Variants in NADK2 observed in about 807,000 individuals in gnomAD.
NADK2 encodes the protein NAD kinase 2, mitochondrial.
Under a neutral mutation model 62.1 loss-of-function variants are expected in NADK2, and 35 were observed. That is an observed-to-expected ratio of 0.56 (90% CI 0.43 to 0.75). The LOEUF (loss-of-function observed/expected upper bound fraction) is 0.75. Ranked by LOEUF, NADK2 falls within the 30% of genes least tolerant of loss-of-function variation. The pLI, the probability that NADK2 is intolerant of heterozygous loss-of-function variation, is 0.00. For synonymous variants in NADK2, 205 were observed against 207.9 expected (o/e 0.99, Z 0.12); for missense variants, 439 against 561.3 (o/e 0.78, Z 2.20).
chr5:36,209,147 A>T (rs1052426807), intron 7 of NADK2, among the ~76,000 whole-genome samples: 7 of 152,170 alleles, frequency 4.6e-5, no homozygotes, highest in African/African-American at 1.7e-4. Context: ...CAACAGCATC[A>T]GAAGCCAATC....
intron 7 of NADK2, chr5:36,208,755 GAACATTATAAATGAGGCAGGAATAA>G: frequency 3.9e-6 from 4 of 1,013,584 alleles, no homozygotes; most frequent in Non-Finnish European, 5.8e-6. Flanking sequence ...TTAAATCTAA[GAACATTATAAATGAGGCAGGAATAA>G]TATTGCTGCA....
chr5:36,200,868 T>C (rs958340721), intron 9 of NADK2, among the ~76,000 whole-genome samples: 6 of 152,014 alleles, frequency 3.9e-5, no homozygotes, highest in African/African-American at 1.4e-4. Context: ...AGCCATAAAA[T>C]GCTTCCTTTA....
At chr5:36,217,661 A>AGTTAATC (rs2112131355) in intron 6 of NADK2, 87 bp downstream of exon 6, 1 of 291,536 alleles carries the variant, frequency 3.4e-6, no homozygotes, top group East Asian at 4.2e-5. Flanking sequence ...ACTAAAAACA[A>AGTTAATC]GTAAATTATT....
At position 36,241,703 on chromosome 5, in the gene NADK2, G is replaced by A; in HGVS notation, c.96C>T (p.Ala32=). The stretch of plus-strand genomic sequence containing the variant: ...CGTCACCGCCCAGCCGGGGCCGCGC[G>A]GCGGGGCCTCCCGCACCCGGTCCCC... The part of the protein sequence containing the change: ...ALRGPGAGGP[A]ARPRLGGDGG... Residue 32 remains alanine, a synonymous_variant, in exon 1 of 12, where the codon GCC becomes GCT. Transcript: ENST00000381937. The surrounding 1 kb of genome is among the most constrained non-coding windows in gnomAD (Gnocchi z 4.9). 1.8e-6 allele frequency: 2 copies of A among 1,133,312 alleles called. No individual in the cohort carries two copies. Among genetic ancestry groups the A allele is most frequent in the Non-Finnish European group, 2.2e-6 (2 of 928,590 alleles). The allele number at this position is 1,133,312 out of a possible 1,614,324, so 70.2% of individuals were successfully genotyped here.
chr5:36,240,528 A>C (rs767879412), intron 1 of NADK2, among the ~76,000 whole-genome samples: 27 of 152,324 alleles, frequency 1.8e-4, no homozygotes, highest in Non-Finnish European at 3.5e-4. Flanking sequence ...GCCAACAATT[A>C]AGAGATTTCC....
intron 7 of NADK2, among the ~76,000 whole-genome samples, chr5:36,209,764 TTATG>T (rs1278171069): frequency 6.6e-6 from 1 of 152,156 alleles, no homozygotes; most frequent in Non-Finnish European, 1.5e-5. Context: ...CTTTTTTAAA[TTATG>T]TATTACTCTC....
chr5:36,225,533 C>A lies in NADK2; in HGVS notation c.560+9G>T, dbSNP rs202012633. On this transcript the variant is annotated intron_variant, in intron 4 of 11. Transcript: ENST00000381937. ...ACAAATCAAACAAAATGTATACGTT[C>A]TTTCTTACCGTTCTGGATCAGTGTT... The A allele has an allele frequency of 2.5e-4, 409 of 1,607,500 alleles. 4 individuals are homozygous for A. The highest frequency in any genetic ancestry group is 2.1e-3 in the South Asian group (192 of 89,324).
In NADK2 at chr5:36,241,325, A is replaced by G. The variant is rs377078041; in HGVS notation, c.300+174T>C. ...TGCCTCTCCCTCGCACACACGCCCA[A>G]AGGCAAAGGAGGCCCAGGGAGAAGC... On this transcript the variant is annotated intron_variant, in intron 1 of 11. Transcript: ENST00000381937. The surrounding 1 kb of genome is among the most constrained non-coding windows in gnomAD (Gnocchi z 4.9). 1.2e-4 allele frequency: 151 copies of G among 1,256,876 alleles called. 2 individuals are homozygous for G. In the East Asian group the frequency reaches 3.4e-3, roughly 29 times the overall value. The allele number at this position is 1,256,876 out of a possible 1,614,324, so 77.9% of individuals were successfully genotyped here. A position where few individuals can be genotyped will look rare whatever the true frequency, so the allele number is the denominator to read the frequency against.
At chr5:36,214,958 T>C (rs990621804) in intron 6 of NADK2, among the ~76,000 whole-genome samples, 2 of 152,194 alleles carry the variant, frequency 1.3e-5, no homozygotes, top group Non-Finnish European at 1.5e-5. Context: ...AGCATTTACA[T>C]TGTGTTAGGT....
intron 6 of NADK2, among the ~76,000 whole-genome samples, chr5:36,213,618 C>CGCATATATATATATATATAT (rs10529035): frequency 2.8e-5 from 3 of 107,536 alleles, no homozygotes; most frequent in Non-Finnish European, 6.1e-5. Flanking sequence ...TATATGCATG[C>CGCATATATATATATATATAT]ATATATATAT....
In NADK2 at chr5:36,241,690, G is replaced by A; in HGVS notation, c.109C>T (p.Leu37=). The change falls in exon 1 of 12, where the codon CTG becomes TTG. Residue 37 remains leucine (L), a synonymous_variant. Transcript: ENST00000381937. This position sits in a 1 kb window ranked among gnomAD's most constrained non-coding sequence, Gnocchi z 4.9. ...GAGGPAARPR[L]GGDGGGRRHL... is the part of the protein sequence containing the mutation. ...CGCCGGCCGCCACCGTCACCGCCCAGCCGGGGCCGCGCGGCGGGGCCTCCC... is the reference window on the plus strand; with the variant it reads ...CGCCGGCCGCCACCGTCACCGCCCAACCGGGGCCGCGCGGCGGGGCCTCCC... 8.8e-7 allele frequency: 1 copy of A among 1,142,816 alleles called. No individual in the cohort carries two copies. The highest frequency in any genetic ancestry group is 1.1e-6 in the Non-Finnish European group (1 of 934,912). 70.8% of individuals were successfully genotyped at this position (1,142,816 alleles called of 1,614,324 possible).
At chr5:36,200,478 C>A (rs966480481) in intron 9 of NADK2, among the ~76,000 whole-genome samples, 198 bp from the exon 10 acceptor site, 2 of 151,764 alleles carry the variant, frequency 1.3e-5, no homozygotes, top group African/African-American at 2.4e-5. Flanking sequence ...AGTAGCCCCC[C>A]CTCGCCCTTA....
At chr5:36,217,139 TC>T (rs1401408567) in intron 6 of NADK2, among the ~76,000 whole-genome samples, 2 of 152,154 alleles carry the variant, frequency 1.3e-5, no homozygotes, top group Non-Finnish European at 2.9e-5. Context: ...GAAAACTGTA[TC>T]TTTTTAAACA....
rs58371779 is a variant in NADK2 at position 36,213,618 on chromosome 5, C to CATATATATAT, written c.782-1706_782-1697dup. On this transcript the variant is annotated intron_variant, in intron 6 of 11. Transcript: ENST00000381937. ...TGATACAAAAAGCTATATATGCATG[C>CATATATATAT]ATATATATATATATGGATTTGATAT... Among the ~76,000 whole-genome samples the CATATATATAT allele has an allele frequency of 4.6e-4, 49 of 107,554 alleles. 2 individuals carry two copies. The highest frequency in any genetic ancestry group is 2.4e-3 in the East Asian group (10 of 4,198). 70.6% of individuals were successfully genotyped at this position (107,554 alleles called of 152,430 possible).
chr5:36,230,667 AGT>A (rs1003571454), intron 1 of NADK2, among the ~76,000 whole-genome samples: 1 of 152,252 alleles, frequency 6.6e-6, no homozygotes, highest in Admixed American at 6.5e-5. Context: ...AAGTGACAAC[AGT>A]GTGCAAACCA....
intron 1 of NADK2, among the ~76,000 whole-genome samples, chr5:36,235,844 A>G (rs965342568): frequency 4.0e-5 from 6 of 151,478 alleles, no homozygotes; most frequent in South Asian, 2.1e-4. Context: ...AGATTGGTCT[A>G]TTTTCCTGCA....
Position 36,218,024 on chromosome 5 carries a change from T to C in NADK2, c.645-140A>G. ...ATGAATAAATTATATCAGAAACACC[T>C]AAAGCCTATAGCTTCCTTATCAATG... On this transcript the variant is annotated intron_variant, in intron 5 of 11. Transcript: ENST00000381937. 13 of 673,310 alleles carry C rather than the reference T, an allele frequency of 1.9e-5. No individual in the cohort carries two copies. The South Asian group carries it at 2.9e-4, about 15-fold the overall frequency. The allele number at this position is 673,310 out of a possible 1,614,324, so 41.7% of individuals were successfully genotyped here. A position where few individuals can be genotyped will look rare whatever the true frequency, so the allele number is the denominator to read the frequency against.
intron 10 of NADK2, among the ~76,000 whole-genome samples, chr5:36,198,051 A>G (rs1366365278): frequency 6.6e-6 from 1 of 152,114 alleles, no homozygotes; most frequent in Non-Finnish European, 1.5e-5. Flanking sequence ...ACCATGTCAA[A>G]GAGCTCATAA....
intron 10 of NADK2, among the ~76,000 whole-genome samples, 191 bp from the exon 11 acceptor site, chr5:36,197,855 A>G (rs1011983098): frequency 3.9e-5 from 6 of 152,028 alleles, no homozygotes; most frequent in South Asian, 2.1e-4. Context: ...AGAATTAGGT[A>G]CCATGATTTG....
Sources: allele counts gnomAD v4.1 joint callset (sites outside exome capture counted in the v4.1 genomes callset), GRCh38; gene constraint gnomAD v4.1.1; non-coding constraint Gnocchi (gnomAD v3.1); transcripts MANE v1.5; gene names NCBI Gene and HGNC (gene_info 2026-07-23, HGNC 2026-07-21).